SASH1: variants seen among roughly 807,000 people sequenced by gnomAD.
SASH1 encodes SAM and SH3 domain containing 1.
A neutral mutation model predicts 125.2 loss-of-function variants in SASH1; 44 were observed. The ratio of observed to expected loss-of-function variants is 0.35; its 90% confidence interval spans 0.28 to 0.45. The LOEUF (loss-of-function observed/expected upper bound fraction) is 0.45, where lower values mean the gene tolerates loss of function less well. Among genes scored for constraint, SASH1 ranks in the 20% least tolerant of loss-of-function variants. The probability of loss-of-function intolerance (pLI) is 1.00; values close to 1 mark genes in which losing one functional copy is unlikely to be tolerated. For synonymous variants in SASH1, 639 were observed against 649.1 expected (o/e 0.98, Z 0.24); for missense variants, 1,426 against 1,614.5 (o/e 0.88, Z 2.00).
At chr6:148,244,373 C>G in the SASH1 span, among the ~76,000 whole-genome samples, 1 of 152,330 alleles carries the variant, frequency 6.6e-6, no homozygotes, top group Non-Finnish European at 1.5e-5. Flanking sequence ...GCTTTATTCA[C>G]AGGCCTTGGT....
rs1582942874 is a variant in SASH1, at chr6:148,305,773, A to C, written n.74+33396A>C. Among the ~76,000 whole-genome samples the C allele has an allele frequency of 2.0e-5, 3 of 152,346 alleles. No individual in the cohort carries two copies. In the South Asian group the frequency reaches 6.2e-4, roughly 32 times the overall value. On this transcript the variant is annotated intron_variant and non_coding_transcript_variant, in intron 1 of 3. Transcript: ENST00000367469. ...TTTAACAGAGCTGTGGGCAGGATTA[A>C]AGAACAACCAAAGATAGTGACGCAC...
intron 1 of SASH1, among the ~76,000 whole-genome samples, chr6:148,389,522 C>T (rs769912403): frequency 1.3e-5 from 2 of 152,164 alleles, no homozygotes; most frequent in Non-Finnish European, 2.9e-5. Context: ...TATTAATGAA[C>T]ACTAATGACT....
chr6:148,533,706 A>C lies in SASH1; in HGVS notation c.1735-65A>C. On this transcript the variant is annotated intron_variant, in intron 14 of 19. Transcript: ENST00000367467. The surrounding 1 kb of genome is among the most constrained non-coding windows in gnomAD (Gnocchi z 6.2). The stretch of plus-strand genomic sequence containing the variant: ...CTTCTGCATGACCTGTGTATCTGAC[A>C]GATTCTTGATTTGTACGTTCATGGA... 1 of 1,459,498 alleles carries C rather than the reference A, an allele frequency of 6.9e-7. No individual in the cohort carries two copies. The highest frequency in any genetic ancestry group is 9.5e-7 in the Non-Finnish European group (1 of 1,055,308). The allele number at this position is 1,459,498 out of a possible 1,614,324, so 90.4% of individuals were successfully genotyped here. A position where few individuals can be genotyped will look rare whatever the true frequency, so the allele number is the denominator to read the frequency against.
At chr6:148,508,523 T>C in intron 8 of SASH1, 1 of 1,026,648 alleles carries the variant, frequency 9.7e-7, no homozygotes, top group Non-Finnish European at 1.2e-6. Flanking sequence ...TTGTTGGCCA[T>C]GCACAACACT....
At chr6:148,305,247 A>G (rs1325545634) in intron 1 of SASH1, among the ~76,000 whole-genome samples, 1 of 152,128 alleles carries the variant, frequency 6.6e-6, no homozygotes, top group East Asian at 1.9e-4. Flanking sequence ...GGAGAGTTAA[A>G]GGTTCTATTT....
chr6:148,254,121 C>T, the SASH1 span, among the ~76,000 whole-genome samples: 11 of 151,096 alleles, frequency 7.3e-5, no homozygotes, highest in Admixed American at 4.0e-4. Flanking sequence ...GCACAAGAAT[C>T]GCTTGAACCT....
intron 8 of SASH1, among the ~76,000 whole-genome samples, chr6:148,496,627 C>T (rs1228447393): frequency 6.6e-6 from 1 of 152,166 alleles, no homozygotes; most frequent in African/African-American, 2.4e-5. Flanking sequence ...TGTGGTGGCC[C>T]ATGCCTGTAA....
intron 1 of SASH1, among the ~76,000 whole-genome samples, chr6:148,327,939 T>TCA (rs1554235653): frequency 8.2e-6 from 1 of 121,292 alleles, no homozygotes; most frequent in African/African-American, 3.0e-5. Flanking sequence ...AGACTCTGTC[T>TCA]AAAAAAAAAA....
chr6:148,354,207 G>A (rs553081075), intron 1 of SASH1, among the ~76,000 whole-genome samples: 1 of 152,130 alleles, frequency 6.6e-6, no homozygotes, highest in South Asian at 2.1e-4. Context: ...AAAAAAGAGA[G>A]AAAATATGAA....
the SASH1 span, among the ~76,000 whole-genome samples, chr6:148,254,316 T>G: frequency 5.3e-3 from 805 of 152,134 alleles, 7 homozygotes; most frequent in African/African-American, 0.018. Flanking sequence ...CAAAGAGTGA[T>G]AACAACTCAA....
intron 2 of SASH1, among the ~76,000 whole-genome samples, chr6:148,413,460 A>G (rs552660861): frequency 6.6e-6 from 1 of 152,152 alleles, no homozygotes; most frequent in South Asian, 2.1e-4. Flanking sequence ...GTTAACAGGG[A>G]GAAAGGGGAG....
intron 16 of SASH1, among the ~76,000 whole-genome samples, chr6:148,536,286 A>T (rs9485294): frequency 0.05 from 7,666 of 152,172 alleles, 250 homozygotes; most frequent in Non-Finnish European, 0.078. Context: ...GAAACAGCTC[A>T]CTTGCTCTTC....
intron 2 of SASH1, among the ~76,000 whole-genome samples, chr6:148,417,371 G>A (rs1354444292): frequency 6.6e-6 from 1 of 152,112 alleles, no homozygotes; most frequent in Admixed American, 6.5e-5. Flanking sequence ...CGGATCACAA[G>A]GTCAAGAGAT....
chr6:148,509,124 G>A (rs1256891287), intron 8 of SASH1: 6 of 352,336 alleles, frequency 1.7e-5, no homozygotes, highest in Admixed American at 3.9e-5. Flanking sequence ...TTGAGACAAT[G>A]AGCATATATG....
chr6:148,307,178 G>C (rs1028008566), intron 1 of SASH1, among the ~76,000 whole-genome samples: 4 of 151,264 alleles, frequency 2.6e-5, no homozygotes, highest in Non-Finnish European at 4.4e-5. Flanking sequence ...GAGTGCAGTG[G>C]CTCAATCTTG....
chr6:148,341,265 C>T (rs2114626082), upstream of SASH1, among the ~76,000 whole-genome samples: 1 of 151,966 alleles, frequency 6.6e-6, no homozygotes, highest in African/African-American at 2.4e-5. Context: ...CCTGCCTCAG[C>T]CTCCTGAGTA....
At chr6:148,360,770 C>T (rs1398858478) in intron 1 of SASH1, among the ~76,000 whole-genome samples, 1 of 152,132 alleles carries the variant, frequency 6.6e-6, no homozygotes, top group Non-Finnish European at 1.5e-5. Flanking sequence ...ATGTGTTAAA[C>T]ACTATACTAA....
the SASH1 span, among the ~76,000 whole-genome samples, chr6:148,227,472 C>T: frequency 6.6e-6 from 1 of 152,178 alleles, no homozygotes; most frequent in South Asian, 2.1e-4. Context: ...ATTCTCCTGC[C>T]TCAGCCTCCC....
chr6:148,399,664 C>A (rs1217948080), intron 2 of SASH1, among the ~76,000 whole-genome samples: 1 of 152,202 alleles, frequency 6.6e-6, no homozygotes, highest in Non-Finnish European at 1.5e-5. Flanking sequence ...TTTGTTGTTT[C>A]CATTTGCATA....
Sources: gnomAD v4.1 joint callset for allele counts (sites outside exome capture counted in the v4.1 genomes callset) on GRCh38, gnomAD v4.1.1 for gene constraint, Gnocchi (gnomAD v3.1) non-coding constraint, MANE v1.5 for transcripts, NCBI Gene and HGNC (gene_info 2026-07-23, HGNC 2026-07-21) for gene names.